ROBO1: variants seen among roughly 807,000 people sequenced by gnomAD.
The protein encoded by ROBO1 is roundabout homolog 1.
ROBO1 carries 149 observed loss-of-function variants against 195.9 expected under a neutral mutation model. That is an observed-to-expected ratio of 0.76 (90% CI 0.67 to 0.87). The LOEUF (loss-of-function observed/expected upper bound fraction) is 0.87. Among genes scored for constraint, ROBO1 ranks in the 40% least tolerant of loss-of-function variants. The pLI is 0.00. For missense variants in ROBO1, 1,933 were observed against 2,068.3 expected, an observed-to-expected ratio of 0.93 and a Z score of 1.27; for synonymous variants, 816 against 733.2, an observed-to-expected ratio of 1.11 and a Z score of -1.82.
At chr3:79,699,730 A>G (rs1246184975) in intron 1 of ROBO1, among the ~76,000 whole-genome samples, 3 of 151,550 alleles carry the variant, frequency 2.0e-5, no homozygotes, top group Non-Finnish European at 3.0e-5. Flanking sequence ...CATTTTCTAG[A>G]TCTAGGTTCT....
chr3:79,440,742 A>T (rs938147855), intron 2 of ROBO1, among the ~76,000 whole-genome samples: 3 of 152,136 alleles, frequency 2.0e-5, no homozygotes, highest in African/African-American at 7.2e-5. Flanking sequence ...TTGTTAAATT[A>T]CACAGAATTG....
intron 2 of ROBO1, among the ~76,000 whole-genome samples, chr3:79,463,099 C>A (rs1456901018): frequency 1.3e-5 from 2 of 152,184 alleles, no homozygotes; most frequent in East Asian, 3.9e-4. Flanking sequence ...CAAGGCCGGG[C>A]GAGGTGGCTC....
At chr3:78,943,965 A>T (rs532344812) in intron 3 of ROBO1, among the ~76,000 whole-genome samples, 1 of 152,368 alleles carries the variant, frequency 6.6e-6, no homozygotes, top group African/African-American at 2.4e-5. Context: ...AATGGTAATC[A>T]TCATCTTTAT....
chr3:79,635,330 AG>A (rs1464020811), intron 1 of ROBO1, among the ~76,000 whole-genome samples: 1 of 152,188 alleles, frequency 6.6e-6, no homozygotes, highest in African/African-American at 2.4e-5. Flanking sequence ...AATTTCCAAC[AG>A]GGTGTATAAG....
At chr3:78,780,650 T>G (rs929268233) in intron 4 of ROBO1, among the ~76,000 whole-genome samples, 5 of 152,112 alleles carry the variant, frequency 3.3e-5, no homozygotes, top group South Asian at 2.1e-4. Context: ...ATCTCCTAAT[T>G]TGTCTGATCA....
intron 4 of ROBO1, among the ~76,000 whole-genome samples, chr3:78,819,701 G>C (rs1168161755): frequency 6.6e-6 from 1 of 152,072 alleles, no homozygotes; most frequent in African/African-American, 2.4e-5. Flanking sequence ...CAGCCTTATA[G>C]TGATAAGGCA....
At chr3:79,195,365 ATAT>A (rs967656586) in intron 2 of ROBO1, among the ~76,000 whole-genome samples, 82 of 151,744 alleles carry the variant, frequency 5.4e-4, no homozygotes, top group African/African-American at 1.9e-3. Flanking sequence ...TTGCAGAGTG[ATAT>A]TATAAGGAAT....
intron 5 of ROBO1, among the ~76,000 whole-genome samples, chr3:78,742,253 T>C (rs2082551039): frequency 6.6e-6 from 1 of 152,184 alleles, no homozygotes; most frequent in Non-Finnish European, 1.5e-5. Context: ...TTTAATCTTC[T>C]GTTCATCTGC....
chr3:79,544,073 TCAAC>T (rs1437095961), intron 2 of ROBO1, among the ~76,000 whole-genome samples: 1 of 152,050 alleles, frequency 6.6e-6, no homozygotes, highest in Non-Finnish European at 1.5e-5. Flanking sequence ...AATACAGTAT[TCAAC>T]TGAGTTTTCA....
intron 2 of ROBO1, among the ~76,000 whole-genome samples, chr3:79,585,891 A>G (rs917707691): frequency 6.6e-6 from 1 of 152,016 alleles, no homozygotes; most frequent in African/African-American, 2.4e-5. Context: ...CCTATGAACA[A>G]GCAATCTCTA....
At chr3:79,587,619 TTATG>T (rs975151740) in intron 2 of ROBO1, among the ~76,000 whole-genome samples, 12 of 151,844 alleles carry the variant, frequency 7.9e-5, no homozygotes, top group Admixed American at 2.0e-4. Flanking sequence ...GAATAAGAAA[TTATG>T]TTTTTTTTAA....
chr3:79,217,655 T>G (rs1162266250), intron 2 of ROBO1, among the ~76,000 whole-genome samples: 1 of 151,978 alleles, frequency 6.6e-6, no homozygotes, highest in Non-Finnish European at 1.5e-5. Flanking sequence ...ATCACTATTG[T>G]AGAAGTAGCA....
intron 3 of ROBO1, among the ~76,000 whole-genome samples, chr3:79,043,526 T>C (rs1471995221): frequency 6.6e-6 from 1 of 152,090 alleles, no homozygotes; most frequent in Non-Finnish European, 1.5e-5. Flanking sequence ...GACTACTAGA[T>C]ATATAGAATG....
intron 2 of ROBO1, among the ~76,000 whole-genome samples, chr3:79,577,415 C>A (rs1374966146): frequency 6.6e-6 from 1 of 151,782 alleles, no homozygotes; most frequent in Non-Finnish European, 1.5e-5. Context: ...GGTATAACAC[C>A]AAAAGCATGA....
chr3:79,342,701 A>G (rs1480897034), intron 2 of ROBO1, among the ~76,000 whole-genome samples: 1 of 146,398 alleles, frequency 6.8e-6, no homozygotes, highest in Non-Finnish European at 1.5e-5. Flanking sequence ...CAGTCAACAC[A>G]GGGCTCGGGA....
rs115770526 is a variant in ROBO1 at position 79,517,806 on chromosome 3, C to T, written c.88+72018G>A. On this transcript the variant is annotated intron_variant, in intron 2 of 30. Transcript: ENST00000464233. ...TAGTTGTAGACATTTTATTACTCTA[C>T]TATGAAATAAACTCTGTGGCAGTCT... Among the ~76,000 whole-genome samples, 1,142 of 152,290 alleles carry T rather than the reference C, an allele frequency of 7.5e-3. 7 individuals carry two copies. The highest frequency in any genetic ancestry group is 0.013 in the Non-Finnish European group (852 of 68,028).
chr3:79,130,156 C>T (rs528954531), intron 2 of ROBO1, among the ~76,000 whole-genome samples: 18 of 7,644 alleles, frequency 2.4e-3, no homozygotes, highest in Admixed American at 8.0e-3. Flanking sequence ...ATTGACTTGG[C>T]GATGCGGGCT....
intron 2 of ROBO1, among the ~76,000 whole-genome samples, chr3:79,185,923 A>C (rs76692280): frequency 0.16 from 24,746 of 152,102 alleles, 3,646 homozygotes; most frequent in African/African-American, 0.39. Flanking sequence ...GTCACCAGAT[A>C]TGCTAAATAC....
At chr3:79,127,963 A>T (rs2080248184) in intron 2 of ROBO1, among the ~76,000 whole-genome samples, 1 of 152,180 alleles carries the variant, frequency 6.6e-6, no homozygotes, top group Non-Finnish European at 1.5e-5. Flanking sequence ...TAAAGGAAAC[A>T]AAAGGTGCTA....
Sources: gnomAD v4.1 joint callset for allele counts (sites outside exome capture counted in the v4.1 genomes callset) on GRCh38, gnomAD v4.1.1 for gene constraint, MANE v1.5 for transcripts, NCBI Gene and HGNC (gene_info 2026-07-23, HGNC 2026-07-21) for gene names.